The following GNA13 variants were observed in gnomAD, a reference collection of about 807,000 sequenced individuals.
GNA13 encodes G protein subunit alpha 13.
A neutral mutation model predicts 33.5 loss-of-function variants in GNA13; 4 were observed. The observed-to-expected ratio is 0.12, with a 90% CI of 0.06 to 0.27. The LOEUF is 0.27. GNA13 is among the 10% of genes least tolerant of loss of function. The probability of loss-of-function intolerance (pLI) is 1.00; values close to 1 mark genes in which losing one functional copy is unlikely to be tolerated. For synonymous variants in GNA13, 176 were observed against 183.8 expected (o/e 0.96, Z 0.34); for missense variants, 319 against 487.2 (o/e 0.65, Z 3.25).
At chr17:65,035,276 T>C (rs1186507929) in intron 2 of GNA13, among the ~76,000 whole-genome samples, 2 of 152,278 alleles carry the variant, frequency 1.3e-5, no homozygotes, top group Non-Finnish European at 1.5e-5. Context: ...GAATTTTCCA[T>C]TTAAATAAAA....
intron 2 of GNA13, among the ~76,000 whole-genome samples, chr17:65,026,771 T>TTTTG (rs201185564): frequency 9.2e-4 from 140 of 152,196 alleles, no homozygotes; most frequent in Non-Finnish European, 1.6e-3. Flanking sequence ...ACATTCAATT[T>TTTTG]TTTGTTTGTT....
intron 2 of GNA13, among the ~76,000 whole-genome samples, chr17:65,022,144 T>C (rs1407984207): frequency 1.3e-5 from 2 of 152,172 alleles, no homozygotes; most frequent in Admixed American, 6.5e-5. Flanking sequence ...GACTATTTCA[T>C]GATATGTAAA....
At chr17:65,043,900 T>C (rs1180391862) in intron 2 of GNA13, among the ~76,000 whole-genome samples, 1 of 152,010 alleles carries the variant, frequency 6.6e-6, no homozygotes, top group Non-Finnish European at 1.5e-5. Context: ...GATGGGAGAA[T>C]CATTTGAGGC....
intron 2 of GNA13, among the ~76,000 whole-genome samples, chr17:65,021,593 G>C (rs1906584748): frequency 6.6e-6 from 1 of 152,138 alleles, no homozygotes; most frequent in Non-Finnish European, 1.5e-5. Flanking sequence ...TAAAAGGAAA[G>C]GATTTAGAAT....
At chr17:65,037,792 A>AAAAAAAAAAAAC (rs1907308074) in intron 2 of GNA13, among the ~76,000 whole-genome samples, 1 of 149,824 alleles carries the variant, frequency 6.7e-6, no homozygotes, top group African/African-American at 2.4e-5. Context: ...AAAAAAAAAA[A>AAAAAAAAAAAAC]AAAAAAAAGA....
chr17:65,054,562 T>C (rs1290298108), intron 1 of GNA13, among the ~76,000 whole-genome samples: 4 of 152,232 alleles, frequency 2.6e-5, no homozygotes, highest in Non-Finnish European at 1.5e-5. Flanking sequence ...CCTCCCACTT[T>C]GGCCTCCCAA....
intron 2 of GNA13, among the ~76,000 whole-genome samples, chr17:65,051,418 C>A (rs1027021810): frequency 3.9e-5 from 6 of 152,128 alleles, no homozygotes; most frequent in East Asian, 1.9e-4. Context: ...GAGTTAGAGA[C>A]CAGCTTGACC....
rs1906195881 is a variant in GNA13, at chr17:65,011,707, C to T, written c.*2550G>A. On this transcript the variant is annotated 3_prime_UTR_variant, in exon 4 of 4. Coordinates refer to ENST00000439174, the MANE Select transcript of GNA13 (RefSeq NM_006572.6). ...AGGCACATTTTATTCCAAATCATAA[C>T]CATAAAGATTTAGAAAATCAAATAC... is the stretch of plus-strand genomic sequence containing the variant. The T allele has an allele frequency of 8.8e-6, 2 of 227,018 alleles. No homozygotes were observed. The highest frequency in any genetic ancestry group is 1.8e-4 in the South Asian group (1 of 5,480). 14.1% of individuals were successfully genotyped at this position (227,018 alleles called of 1,614,324 possible). A position where few individuals can be genotyped will look rare whatever the true frequency, so the allele number is the denominator to read the frequency against.
At position 65,014,183 on chromosome 17, in the gene GNA13, C is replaced by T; in HGVS notation, c.*74G>A. ...TTGTTCTAATTCTGGTTGTAAACTG[C>T]TATTTTAAAAAACAAAACAAACAGA... On this transcript the variant is annotated 3_prime_UTR_variant, in exon 4 of 4. Transcript: ENST00000439174. This position sits in a 1 kb window ranked among gnomAD's most constrained non-coding sequence, Gnocchi z 5.3. The T allele has an allele frequency of 2.4e-6, 2 of 836,758 alleles. No individual in the cohort carries two copies. Among genetic ancestry groups the T allele is most frequent in the Non-Finnish European group, 3.9e-6 (2 of 519,188 alleles). The allele number at this position is 836,758 out of a possible 1,614,324, so 51.8% of individuals were successfully genotyped here.
intron 1 of GNA13, chr17:65,055,581 C>T (rs779764162): frequency 1.0e-6 from 1 of 984,852 alleles, no homozygotes; most frequent in African/African-American, 1.7e-5. Context: ...AAATCACACG[C>T]AAACATCCTA....
rs1906212292 is a variant in GNA13 at position 65,012,169 on chromosome 17, T to C, written c.*2088A>G. 4.5e-6 allele frequency: 1 copy of C among 222,482 alleles called. No homozygotes were observed. Among genetic ancestry groups the C allele is most frequent in the African/African-American group, 2.2e-5 (1 of 44,758 alleles). The allele number at this position is 222,482 out of a possible 1,614,324, so 13.8% of individuals were successfully genotyped here. On this transcript the variant is annotated 3_prime_UTR_variant, in exon 4 of 4. Coordinates refer to ENST00000439174, the MANE Select transcript of GNA13 (RefSeq NM_006572.6). Reference sequence around the variant, plus strand: ...AGGGGGAAACTTGGTGATTTCTGCTTTGTCAGGCAATATCTATGGTTCGTA... The same window carrying C: ...AGGGGGAAACTTGGTGATTTCTGCTCTGTCAGGCAATATCTATGGTTCGTA...
chr17:65,036,904 A>C (rs1907270327), intron 2 of GNA13, among the ~76,000 whole-genome samples: 1 of 152,180 alleles, frequency 6.6e-6, no homozygotes, highest in Non-Finnish European at 1.5e-5. Flanking sequence ...GATCGCACTG[A>C]TCATTTCATT....
rs370941163 is a variant in GNA13 at position 65,056,434 on chromosome 17, G to A, written c.160C>T (p.Leu54=). 4.3e-6 allele frequency: 7 copies of A among 1,613,674 alleles called. No individual in the cohort carries two copies. The highest frequency in any genetic ancestry group is 5.9e-6 in the Non-Finnish European group (7 of 1,179,902). Reference sequence around the variant, plus strand: ...GACTTGCCGCTCTCGCCCGCGCCCAGCAGCAGGATCTTCACCAGCCGCTTC... The same window carrying A: ...GACTTGCCGCTCTCGCCCGCGCCCAACAGCAGGATCTTCACCAGCCGCTTC... ...YVKRLVKILL[L]GAGESGKSTF... Residue 54 remains leucine (L), a synonymous_variant, in exon 1 of 4, where the codon CTG becomes TTG. Coordinates refer to ENST00000439174, the MANE Select transcript of GNA13 (RefSeq NM_006572.6).
intron 2 of GNA13, among the ~76,000 whole-genome samples, chr17:65,047,230 C>T (rs1247026483): frequency 6.6e-6 from 1 of 152,132 alleles, no homozygotes. Flanking sequence ...TTTAAAATCT[C>T]TACTATCTCT....
chr17:65,036,126 CCCAA>C (rs1907237584), intron 2 of GNA13, among the ~76,000 whole-genome samples: 1 of 152,196 alleles, frequency 6.6e-6, no homozygotes, highest in Admixed American at 6.5e-5. Context: ...CAATCATTAT[CCCAA>C]CCAAACTCTC....
rs1037001980 is a variant in GNA13, at chr17:65,014,469, A to G, written c.922T>C (p.Tyr308His). 4 of 1,613,854 alleles carry G rather than the reference A, an allele frequency of 2.5e-6. No individual in the cohort carries two copies. Among genetic ancestry groups the G allele is most frequent in the Non-Finnish European group, 2.5e-6 (3 of 1,179,832 alleles). The change falls in exon 4 of 4, where the codon TAT becomes CAT. Residue 308 changes from tyrosine (Y) to histidine (H), a missense_variant. Physicochemically the swap from Tyr to His is moderately conservative, Grantham distance 83 (BLOSUM62 2). Transcript: ENST00000439174. This position sits in a 1 kb window ranked among gnomAD's most constrained non-coding sequence, Gnocchi z 5.3. Reference sequence around the variant, plus strand: ...GGATCCCCTTCAAATTCTAGGAAATAGTCTTTGATGCTCACAATTTGCACC... The same window carrying G: ...GGATCCCCTTCAAATTCTAGGAAATGGTCTTTGATGCTCACAATTTGCACC... ...EKVQIVSIKD[Y>H]FLEFEGDPHC...
intron 2 of GNA13, 99 bp from the exon 3 acceptor site, chr17:65,018,402 A>G: frequency 2.8e-6 from 2 of 707,910 alleles, no homozygotes; most frequent in Admixed American, 2.2e-5. Context: ...ACTTAACCCA[A>G]ACAGACTTTG....
chr17:65,035,065 A>G (rs1907193784), intron 2 of GNA13, among the ~76,000 whole-genome samples: 1 of 152,222 alleles, frequency 6.6e-6, no homozygotes, highest in Admixed American at 6.5e-5. Context: ...GATTACAGGC[A>G]TGAGCCACGG....
intron 2 of GNA13, among the ~76,000 whole-genome samples, chr17:65,036,484 T>C (rs374707004): frequency 1.3e-4 from 20 of 152,136 alleles, no homozygotes; most frequent in African/African-American, 4.8e-4. Context: ...GGTGGGTGAA[T>C]TGCTTGAGGC....
Sources: allele counts gnomAD v4.1 joint callset (sites outside exome capture counted in the v4.1 genomes callset), GRCh38; gene constraint gnomAD v4.1.1; non-coding constraint Gnocchi (gnomAD v3.1); transcripts MANE v1.5; gene names NCBI Gene and HGNC (gene_info 2026-07-23, HGNC 2026-07-21).